Variants in MACROD2 observed in about 807,000 individuals in gnomAD.
MACROD2 encodes mono-ADP ribosylhydrolase 2.
MACROD2 carries 36 observed loss-of-function variants against 70.4 expected under a neutral mutation model. That is an observed-to-expected ratio of 0.51 (90% confidence interval 0.39 to 0.68). The LOEUF is 0.68. Among genes scored for constraint, MACROD2 ranks in the 30% least tolerant of loss-of-function variants. MACROD2 has a pLI of 0.00. For synonymous variants in MACROD2, 172 were observed against 178.8 expected (o/e 0.96, Z 0.30); for missense variants, 496 against 538.4 (o/e 0.92, Z 0.78).
chr20:15,802,241 A>G (rs2063732846), intron 8 of MACROD2, among the ~76,000 whole-genome samples: 1 of 152,152 alleles, frequency 6.6e-6, no homozygotes, highest in African/African-American at 2.4e-5. Context: ...ACTATGTTGA[A>G]TCAGAGTGGT....
intron 5 of MACROD2, among the ~76,000 whole-genome samples, chr20:14,794,392 A>G (rs559932695): frequency 1.3e-5 from 2 of 152,280 alleles, no homozygotes; most frequent in East Asian, 3.9e-4. Context: ...GTTGGTATCA[A>G]CAAGGGAAAC....
At chr20:14,099,365 A>G (rs1332398246) in intron 3 of MACROD2, among the ~76,000 whole-genome samples, 1 of 151,652 alleles carries the variant, frequency 6.6e-6, no homozygotes, top group Non-Finnish European at 1.5e-5. Context: ...TGTATTTACT[A>G]TCTTGACTTC....
chr20:14,461,369 A>G (rs1416049578), intron 3 of MACROD2, among the ~76,000 whole-genome samples: 1 of 151,924 alleles, frequency 6.6e-6, no homozygotes, highest in Non-Finnish European at 1.5e-5. Context: ...ATCTTTTTAA[A>G]AAACCAGCTC....
intron 5 of MACROD2, among the ~76,000 whole-genome samples, chr20:15,078,450 A>T (rs2075676918): frequency 6.6e-6 from 1 of 152,216 alleles, no homozygotes; most frequent in Non-Finnish European, 1.5e-5. Context: ...CAGGCATAGG[A>T]AAGTAAACTG....
chr20:14,426,818 ATC>A (rs1331963629), intron 3 of MACROD2, among the ~76,000 whole-genome samples: 2 of 152,088 alleles, frequency 1.3e-5, no homozygotes, highest in African/African-American at 4.8e-5. Context: ...CGTTCACTTA[ATC>A]TCTCTGTTTT....
At chr20:15,659,313 T>G (rs1335817271) in intron 8 of MACROD2, among the ~76,000 whole-genome samples, 4 of 135,570 alleles carry the variant, frequency 3.0e-5, no homozygotes, top group African/African-American at 1.1e-4. Context: ...GCTTTTTTTT[T>G]TTTTTTTTTT....
At chr20:15,652,038 G>A (rs1473948731) in intron 8 of MACROD2, among the ~76,000 whole-genome samples, 1 of 152,066 alleles carries the variant, frequency 6.6e-6, no homozygotes, top group African/African-American at 2.4e-5. Context: ...GTCTGGCTCT[G>A]CTTACCTACA....
At chr20:13,999,064 A>G (rs1248006225) in intron 1 of MACROD2, among the ~76,000 whole-genome samples, 3 of 151,690 alleles carry the variant, frequency 2.0e-5, no homozygotes, top group Non-Finnish European at 2.9e-5. Flanking sequence ...TGTCCTTTTG[A>G]CTTTGTTCTA....
chr20:14,092,496 A>G (rs550985046), intron 3 of MACROD2, among the ~76,000 whole-genome samples: 14 of 152,328 alleles, frequency 9.2e-5, no homozygotes, highest in Admixed American at 2.0e-4. Flanking sequence ...ATATAATGGC[A>G]TGTTTTGTAG....
At chr20:14,999,414 T>A (rs2074975685) in intron 5 of MACROD2, among the ~76,000 whole-genome samples, 1 of 152,148 alleles carries the variant, frequency 6.6e-6, no homozygotes, top group South Asian at 2.1e-4. Context: ...ATCCCAGCAC[T>A]TTGGGAGGCT....
intron 2 of MACROD2, among the ~76,000 whole-genome samples, chr20:14,032,463 G>T (rs1375459676): frequency 3.3e-5 from 5 of 152,052 alleles, no homozygotes; most frequent in Admixed American, 1.3e-4. Context: ...CCAACAAAAG[G>T]TACAAATAAT....
At chr20:14,638,182 C>G (rs1371394726) in intron 4 of MACROD2, among the ~76,000 whole-genome samples, 4 of 152,052 alleles carry the variant, frequency 2.6e-5, no homozygotes, top group Admixed American at 2.0e-4. Flanking sequence ...TGAATTATCT[C>G]TATCATGAGC....
At chr20:15,160,231 A>C (rs1157073648) in intron 5 of MACROD2, among the ~76,000 whole-genome samples, 4 of 152,052 alleles carry the variant, frequency 2.6e-5, no homozygotes, top group Non-Finnish European at 4.4e-5. Context: ...TAAGAAGAGA[A>C]ACCCCCAAGC....
At position 14,037,284 on chromosome 20, in the gene MACROD2, A is replaced by G. The variant is rs189413303; in HGVS notation, c.163+34880A>G. Among the ~76,000 whole-genome samples the G allele has an allele frequency of 1.4e-4, 22 of 152,354 alleles. No individual in the cohort carries two copies. In the East Asian group the frequency reaches 4.2e-3, roughly 29 times the overall value. Reference sequence around the variant, plus strand: ...TTTTGGCATCATTAATTTGGCCAAAATACATGTAATAATGGGAATTTAATG... The same window carrying G: ...TTTTGGCATCATTAATTTGGCCAAAGTACATGTAATAATGGGAATTTAATG... On this transcript the variant is annotated intron_variant, in intron 2 of 17. Transcript: ENST00000684519.
chr20:14,308,811 A>G (rs541857810), intron 3 of MACROD2, among the ~76,000 whole-genome samples: 66 of 152,254 alleles, frequency 4.3e-4, no homozygotes, highest in African/African-American at 1.4e-3. Flanking sequence ...GAGATAGGCC[A>G]AAGCTAAAGA....
intron 9 of MACROD2, among the ~76,000 whole-genome samples, chr20:15,883,075 T>C (rs978010797): frequency 2.0e-5 from 3 of 152,022 alleles, no homozygotes; most frequent in Admixed American, 2.0e-4. Context: ...TGCTTAAGTT[T>C]CTATCCATCT....
chr20:15,104,356 A>G (rs1009927487), intron 5 of MACROD2, among the ~76,000 whole-genome samples: 3 of 152,146 alleles, frequency 2.0e-5, no homozygotes, highest in South Asian at 2.1e-4. Context: ...TCTTTGCTCA[A>G]TGTTCAGAAT....
chr20:14,528,757 G>C (rs2085267344), intron 4 of MACROD2, among the ~76,000 whole-genome samples: 1 of 152,126 alleles, frequency 6.6e-6, no homozygotes. Flanking sequence ...CATTGATTAG[G>C]TTGGGTTGGG....
intron 5 of MACROD2, among the ~76,000 whole-genome samples, chr20:15,012,738 C>T (rs1414989204): frequency 1.3e-5 from 2 of 152,160 alleles, no homozygotes; most frequent in African/African-American, 4.8e-5. Flanking sequence ...ACCCCATTTC[C>T]CGGTCTCCGG....
Sources: gnomAD v4.1 joint callset for allele counts (sites outside exome capture counted in the v4.1 genomes callset) on GRCh38, gnomAD v4.1.1 for gene constraint, MANE v1.5 for transcripts, NCBI Gene and HGNC (gene_info 2026-07-23, HGNC 2026-07-21) for gene names.